Variants in IMPG1 observed in about 807,000 individuals in gnomAD.
IMPG1 encodes interphotoreceptor matrix proteoglycan 1.
Under a neutral mutation model 92.0 loss-of-function variants are expected in IMPG1, and 85 were observed. The ratio of observed to expected loss-of-function variants is 0.92; its 90% CI spans 0.78 to 1.11. The LOEUF is 1.11. Among genes scored for constraint, IMPG1 ranks in the 50% least tolerant of loss-of-function variants. IMPG1 has a pLI of 0.00. For missense variants in IMPG1, 1,022 were observed against 956.0 expected, an observed-to-expected ratio of 1.07 and a Z score of -0.91; for synonymous variants, 367 against 334.1, an observed-to-expected ratio of 1.10 and a Z score of -1.08.
intron 14 of IMPG1, chr6:75,935,050 T>C (rs1453395064): frequency 2.1e-6 from 1 of 469,552 alleles, no homozygotes. Flanking sequence ...TGGGTCTCTC[T>C]TTCGTGGACG....
chr6:76,024,211 A>G (rs369378330), intron 5 of IMPG1, among the ~76,000 whole-genome samples: 59 of 152,182 alleles, frequency 3.9e-4, no homozygotes, highest in African/African-American at 1.4e-3. Flanking sequence ...CTTTCTCTGA[A>G]TGTCAGTAAA....
chr6:76,034,312 T>G lies in IMPG1; in HGVS notation c.497+3A>C. 2 of 1,612,992 alleles carry G rather than the reference T, an allele frequency of 1.2e-6. No homozygotes were observed. The highest frequency in any genetic ancestry group is 1.7e-6 in the Non-Finnish European group (2 of 1,178,986). On this transcript the variant is annotated splice_donor_region_variant and intron_variant, in intron 4 of 16. Coordinates refer to ENST00000369950, the MANE Select transcript of IMPG1 (RefSeq NM_001563.4). ...ACACACACACTCTATTTTGGGTACT[T>G]GCCTGTCAGGGAAACTTCTCTGTTT...
At chr6:76,012,654 A>G (rs916347316) in intron 7 of IMPG1, among the ~76,000 whole-genome samples, 1 of 152,214 alleles carries the variant, frequency 6.6e-6, no homozygotes, top group Non-Finnish European at 1.5e-5. Context: ...GAAACTGAAC[A>G]GGTGAGCAGA....
chr6:75,960,612 TCTAAGGTTATA>T (rs1782199893), intron 12 of IMPG1, among the ~76,000 whole-genome samples: 1 of 152,208 alleles, frequency 6.6e-6, no homozygotes, highest in African/African-American at 2.4e-5. Context: ...GATTGAAGCT[TCTAAGGTTATA>T]GTCAATTCCT....
chr6:75,950,553 C>T lies in IMPG1; in HGVS notation c.1824+9G>A, dbSNP rs777595056. 1.3e-6 allele frequency: 2 copies of T among 1,584,826 alleles called. No homozygotes were observed. The highest frequency in any genetic ancestry group is 1.7e-6 in the Non-Finnish European group (2 of 1,164,936). On this transcript the variant is annotated intron_variant, in intron 13 of 16. Coordinates refer to ENST00000369950, the MANE Select transcript of IMPG1 (RefSeq NM_001563.4). ...AAAGAATTGGGAATTGTGAGCAGTGCCCACTCACCAGCTGTGTGAATTGTT... is the reference window on the plus strand; with the variant it reads ...AAAGAATTGGGAATTGTGAGCAGTGTCCACTCACCAGCTGTGTGAATTGTT...
intron 14 of IMPG1, among the ~76,000 whole-genome samples, chr6:75,932,262 T>C (rs536806022): frequency 2.0e-5 from 3 of 152,322 alleles, no homozygotes; most frequent in Middle Eastern, 6.8e-3. Flanking sequence ...GGGGAGCTAT[T>C]GGACCACTTT....
At chr6:75,962,849 C>T (rs796077842) in intron 12 of IMPG1, among the ~76,000 whole-genome samples, 34 of 151,872 alleles carry the variant, frequency 2.2e-4, no homozygotes, top group African/African-American at 7.2e-4. Flanking sequence ...GAGACCAGCC[C>T]GGCCAACATG....
intron 1 of IMPG1, among the ~76,000 whole-genome samples, chr6:76,043,490 T>C (rs1218437781): frequency 6.6e-6 from 1 of 152,168 alleles, no homozygotes; most frequent in East Asian, 1.9e-4. Flanking sequence ...TGTGTTCCTC[T>C]TGGGCAGAGG....
intron 1 of IMPG1, among the ~76,000 whole-genome samples, chr6:76,062,979 G>A (rs1046472610): frequency 3.3e-5 from 5 of 151,648 alleles, no homozygotes; most frequent in Non-Finnish European, 7.4e-5. Context: ...CGAGGTGAGT[G>A]GATTATTTGA....
intron 12 of IMPG1, among the ~76,000 whole-genome samples, chr6:75,954,011 A>G (rs1396954935): frequency 2.0e-5 from 3 of 152,216 alleles, no homozygotes; most frequent in Non-Finnish European, 2.9e-5. Context: ...CCAGTCTATC[A>G]TTGATGGGCA....
intron 1 of IMPG1, among the ~76,000 whole-genome samples, chr6:76,067,621 G>A (rs957038829): frequency 6.6e-6 from 1 of 151,562 alleles, no homozygotes; most frequent in Non-Finnish European, 1.5e-5. Context: ...AAAAAAGAAT[G>A]GGTACCAATC....
At chr6:75,930,905 T>C in intron 15 of IMPG1, 48 bp downstream of exon 15, 1 of 1,487,908 alleles carries the variant, frequency 6.7e-7, no homozygotes, top group Admixed American at 1.7e-5. Context: ...TTCTCAGAAG[T>C]GTAAGTAATG....
intron 4 of IMPG1, among the ~76,000 whole-genome samples, chr6:76,026,291 T>G (rs1783533472): frequency 6.6e-6 from 1 of 152,226 alleles, no homozygotes; most frequent in Non-Finnish European, 1.5e-5. Flanking sequence ...GGATAAGTCC[T>G]GCAACATTTT....
At chr6:75,945,162 T>C (rs1441833311) in intron 14 of IMPG1, among the ~76,000 whole-genome samples, 1 of 152,230 alleles carries the variant, frequency 6.6e-6, no homozygotes, top group East Asian at 1.9e-4. Context: ...CGCTACTTTT[T>C]ACTGTTTTTG....
chr6:75,953,781 A>G (rs9350609), intron 12 of IMPG1, among the ~76,000 whole-genome samples: 52,068 of 150,662 alleles, frequency 0.35, 9,149 homozygotes, highest in East Asian at 0.55. Context: ...CCCCATGACA[A>G]GCCCCAGTGT....
At chr6:76,021,416 T>C (rs1004996564) in intron 6 of IMPG1, among the ~76,000 whole-genome samples, 3 of 152,142 alleles carry the variant, frequency 2.0e-5, no homozygotes, top group Non-Finnish European at 4.4e-5. Context: ...TCATGGACCA[T>C]GGTCACTCAT....
At chr6:76,002,446 A>G (rs1381709213) in intron 12 of IMPG1, among the ~76,000 whole-genome samples, 1 of 152,250 alleles carries the variant, frequency 6.6e-6, no homozygotes, top group East Asian at 1.9e-4. Flanking sequence ...AAAGAAACAC[A>G]TGTAGCAGAA....
chr6:75,986,536 T>C (rs970699686), intron 12 of IMPG1, among the ~76,000 whole-genome samples: 1 of 152,164 alleles, frequency 6.6e-6, no homozygotes, highest in Non-Finnish European at 1.5e-5. Flanking sequence ...TTGCTGAGCA[T>C]GAATTTGTGA....
In IMPG1 at chr6:75,985,109, AC is replaced by A. The variant is rs1782691471; in HGVS notation, c.1291+17808del. On this transcript the variant is annotated intron_variant, in intron 12 of 16. Transcript: ENST00000369950. Reference sequence around the variant, plus strand: ...TACAATTTTTGTCATTTAAATATAAACAAATAAAGATAAATTTCTTTTTTTG... The same window carrying A: ...TACAATTTTTGTCATTTAAATATAAAAAATAAAGATAAATTTCTTTTTTTG... Among the ~76,000 whole-genome samples, 3 of 152,216 alleles carry A rather than the reference AC, an allele frequency of 2.0e-5. No individual in the cohort carries two copies. In the South Asian group the frequency reaches 6.2e-4, roughly 32 times the overall value.
Sources: gnomAD v4.1 joint callset for allele counts (sites outside exome capture counted in the v4.1 genomes callset) on GRCh38, gnomAD v4.1.1 for gene constraint, MANE v1.5 for transcripts, NCBI Gene and HGNC (gene_info 2026-07-23, HGNC 2026-07-21) for gene names.